DPEP1: variants seen among roughly 807,000 people sequenced by gnomAD.
DPEP1 encodes the protein dipeptidase 1.
DPEP1 carries 50 observed loss-of-function variants against 42.3 expected under a neutral mutation model. The ratio of observed to expected loss-of-function variants is 1.18; its 90% confidence interval spans 0.94 to 1.50. The LOEUF is 1.50. Among genes scored for constraint, DPEP1 ranks in the 40% most tolerant of loss-of-function variants. DPEP1 has a pLI of 0.00. For missense variants in DPEP1, 663 were observed against 553.0 expected, an observed-to-expected ratio of 1.20 and a Z score of -1.99; for synonymous variants, 297 against 234.0, an observed-to-expected ratio of 1.27 and a Z score of -2.46.
At chr16:89,634,359 T>A (rs1261974253) in intron 2 of DPEP1, among the ~76,000 whole-genome samples, 1 of 152,106 alleles carries the variant, frequency 6.6e-6, no homozygotes, top group African/African-American at 2.4e-5. Context: ...AGTGCTGGGA[T>A]TACAGGCATG....
intron 1 of DPEP1, among the ~76,000 whole-genome samples, chr16:89,617,454 G>T (rs545681800): frequency 6.6e-6 from 1 of 152,292 alleles, no homozygotes; most frequent in Admixed American, 6.5e-5. Context: ...AGAATGAGGT[G>T]GAAGCATCCA....
chr16:89,628,513 C>T (rs1385820735), intron 1 of DPEP1, among the ~76,000 whole-genome samples: 3 of 152,088 alleles, frequency 2.0e-5, no homozygotes, highest in African/African-American at 7.2e-5. Flanking sequence ...CCGCCTCAGC[C>T]TCCCACAGTG....
intron 1 of DPEP1, among the ~76,000 whole-genome samples, chr16:89,618,617 C>G (rs559078830): frequency 6.6e-6 from 1 of 152,152 alleles, no homozygotes; most frequent in Non-Finnish European, 1.5e-5. Context: ...ACCTTCCCAC[C>G]TCAGCTTCCC....
chr16:89,636,706 C>A (rs369823056), intron 5 of DPEP1, 23 bp downstream of exon 5: 1 of 1,610,524 alleles, frequency 6.2e-7, no homozygotes, highest in Non-Finnish European at 8.5e-7. Flanking sequence ...CCATGGGAGG[C>A]CCCCGGGCTG....
At position 89,636,615 on chromosome 16, in the gene DPEP1, C is replaced by A; in HGVS notation, c.453C>A (p.Gly151=). The A allele has an allele frequency of 1.2e-6, 2 of 1,612,574 alleles. No homozygotes were observed. Among genetic ancestry groups the A allele is most frequent in the Non-Finnish European group, 1.7e-6 (2 of 1,179,956 alleles). The change falls in exon 5 of 11, where the codon GGC becomes GGA. Residue 151 remains glycine (G), a synonymous_variant. Transcript: ENST00000690203. The part of the protein sequence containing the change: ...EGGHSIDSSL[G]VLRALYQLGM... ...GCCACTCCATTGACAGCAGTTTGGG[C>A]GTCCTGCGGGCACTCTATCAGCTGG... is the stretch of plus-strand genomic sequence containing the variant.
intron 1 of DPEP1, among the ~76,000 whole-genome samples, chr16:89,614,517 G>A (rs780103423): frequency 7.9e-5 from 12 of 152,328 alleles, no homozygotes; most frequent in South Asian, 2.1e-4. Flanking sequence ...AGCTGTGGCC[G>A]GGCGCGGTGG....
chr16:89,614,723 A>G (rs1202691137), intron 1 of DPEP1, among the ~76,000 whole-genome samples: 1 of 152,202 alleles, frequency 6.6e-6, no homozygotes, highest in Non-Finnish European at 1.5e-5. Flanking sequence ...TGAACCCGGG[A>G]GGCGGAGGTT....
rs2059569553 is a variant in DPEP1, at chr16:89,630,445, C to A, written c.35C>A (p.Ala12Asp). ...GGATGGTGGCTGTGGCCCCTTGTGG[C>A]CGTCTGCACTGCAGACTTCTTTCGG... is the stretch of plus-strand genomic sequence containing the variant. Reference protein sequence around the residue: ...WSGWWLWPLVAVCTADFFRDE... With the variant: ...WSGWWLWPLVDVCTADFFRDE... The change falls in exon 2 of 11, where the codon GCC becomes GAC. Residue 12 changes from alanine to aspartate, a missense_variant. By Grantham distance (126) the Ala-to-Asp change is moderately radical. Transcript: ENST00000690203. The A allele has an allele frequency of 6.2e-7, 1 of 1,611,340 alleles. No homozygotes were observed. The highest frequency in any genetic ancestry group is 1.3e-5 in the African/African-American group (1 of 74,440).
At chr16:89,613,541 T>A (rs1164431667), upstream of DPEP1, 2 of 152,352 alleles carry the variant, frequency 1.3e-5, no homozygotes, top group Non-Finnish European at 2.9e-5. Flanking sequence ...ATTTCCCTCC[T>A]CTTTCTACTT....
At chr16:89,640,550 C>G (rs1429457369), downstream of DPEP1, 2 of 985,236 alleles carry the variant, frequency 2.0e-6, no homozygotes, top group African/African-American at 3.5e-5. Flanking sequence ...CCTGATCTTC[C>G]AGGATGCACT....
Position 89,638,110 on chromosome 16 carries a change from GC to G in DPEP1, c.1125del (p.Ser376ProfsTer101). 1 of 1,612,310 alleles carries G rather than the reference GC, an allele frequency of 6.2e-7. No homozygotes were observed. The highest frequency in any genetic ancestry group is 8.5e-7 in the Non-Finnish European group (1 of 1,179,848). On this transcript the variant is annotated frameshift_variant, in exon 11 of 11. Coordinates refer to ENST00000690203, the MANE Select transcript of DPEP1 (RefSeq NM_001389466.1). LOFTEE classifies it low-confidence loss of function (END_TRUNC). Reference sequence around the variant, plus strand: ...CCCATCCCGCTGGACCAGCTGGGTGGCTCCTGCAGGACCCATTACGGCTACT... The same window carrying G: ...CCCATCCCGCTGGACCAGCTGGGTGGTCCTGCAGGACCCATTACGGCTACT... ...EEPIPLDQLG[G>X]SCRTHYGYSS... is the part of the protein sequence containing the mutation.
In DPEP1 at chr16:89,623,796, A is replaced by G. The variant is rs559292889; in HGVS notation, c.-106-6509A>G. Among the ~76,000 whole-genome samples the G allele has an allele frequency of 5.9e-5, 9 of 152,298 alleles. No individual in the cohort carries two copies. The East Asian group carries it at 1.3e-3, about 23-fold the overall frequency. ...AACCCCTGCCTGAAACCCTGGCCAG[A>G]CGGAGCTCAGAAAGGAGGGGAAGAA... On this transcript the variant is annotated intron_variant, in intron 1 of 10. Transcript: ENST00000690203.
chr16:89,631,662 C>A (rs2250598), intron 2 of DPEP1, among the ~76,000 whole-genome samples: 1 of 151,958 alleles, frequency 6.6e-6, no homozygotes, highest in Non-Finnish European at 1.5e-5. Flanking sequence ...TCAAGACCAG[C>A]CTGGCCAACA....
intron 1 of DPEP1, among the ~76,000 whole-genome samples, chr16:89,624,253 T>A (rs1447421276): frequency 6.6e-6 from 1 of 152,008 alleles, no homozygotes; most frequent in Non-Finnish European, 1.5e-5. Context: ...TGGGTTTGGC[T>A]CATGGTTGTG....
At chr16:89,615,175 G>T (rs563135226) in intron 1 of DPEP1, among the ~76,000 whole-genome samples, 152 of 152,340 alleles carry the variant, frequency 1.0e-3, no homozygotes, top group African/African-American at 3.4e-3. Context: ...TCTCCAGTCG[G>T]AGGCCAGGAG....
chr16:89,627,717 G>C (rs910374440), intron 1 of DPEP1, among the ~76,000 whole-genome samples: 3 of 125,726 alleles, frequency 2.4e-5, no homozygotes, highest in African/African-American at 6.2e-5. Context: ...CTGGAGTACA[G>C]TGTTGCAATC....
chr16:89,629,513 C>T (rs1166238164), intron 1 of DPEP1, among the ~76,000 whole-genome samples: 1 of 151,264 alleles, frequency 6.6e-6, no homozygotes, highest in African/African-American at 2.4e-5. Context: ...CCCCCCACCC[C>T]CCCCCGAAGC....
chr16:89,639,975 C>G (rs1389887853), downstream of DPEP1, among the ~76,000 whole-genome samples: 1 of 152,174 alleles, frequency 6.6e-6, no homozygotes, highest in African/African-American at 2.4e-5. Flanking sequence ...GCGCCCAGCC[C>G]AGCCTCTTTT....
chr16:89,636,966 C>T (rs537515950), intron 6 of DPEP1, 31 bp downstream of exon 6: 29 of 1,609,418 alleles, frequency 1.8e-5, no homozygotes, highest in South Asian at 5.5e-5. Flanking sequence ...CAGTCACCCC[C>T]GAGGAGAAGG....
Sources: allele counts gnomAD v4.1 joint callset (sites outside exome capture counted in the v4.1 genomes callset), GRCh38; gene constraint gnomAD v4.1.1; transcripts MANE v1.5; gene names NCBI Gene and HGNC (gene_info 2026-07-23, HGNC 2026-07-21).